The following PTK2 variants were observed in gnomAD, a reference collection of about 807,000 sequenced individuals.
The protein encoded by PTK2 is protein tyrosine kinase 2, also known as focal adhesion kinase 1.
Under a neutral mutation model 150.1 loss-of-function variants are expected in PTK2, and 45 were observed. The ratio of observed to expected loss-of-function variants is 0.30; its 90% confidence interval spans 0.24 to 0.38. The LOEUF (loss-of-function observed/expected upper bound fraction) is 0.38. PTK2 is among the 10% of genes least tolerant of loss of function. The probability of loss-of-function intolerance (pLI) is 1.00; values close to 1 mark genes in which losing one functional copy is unlikely to be tolerated. For synonymous variants in PTK2, 432 were observed against 449.2 expected (o/e 0.96, Z 0.48); for missense variants, 919 against 1,307.3 (o/e 0.70, Z 4.58).
intron 5 of PTK2, among the ~76,000 whole-genome samples, chr8:140,850,348 C>G (rs908036082): frequency 6.6e-6 from 1 of 151,910 alleles, no homozygotes; most frequent in Non-Finnish European, 1.5e-5. Context: ...ATTGCTTGAA[C>G]CCAGGAGGCG....
intron 14 of PTK2, among the ~76,000 whole-genome samples, chr8:140,787,567 T>C (rs1405563897): frequency 1.3e-5 from 2 of 152,250 alleles, no homozygotes; most frequent in South Asian, 2.1e-4. Flanking sequence ...AAAAGACACA[T>C]CTGAGGTTTA....
intron 1 of PTK2, among the ~76,000 whole-genome samples, chr8:140,999,824 C>T (rs4517172): frequency 6.6e-6 from 1 of 152,032 alleles, no homozygotes; most frequent in South Asian, 2.1e-4. Context: ...CGTTTACATT[C>T]TAAGTAAAAA....
intron 1 of PTK2, among the ~76,000 whole-genome samples, chr8:140,968,058 T>C (rs1392901038): frequency 5.3e-5 from 8 of 152,226 alleles, no homozygotes; most frequent in Non-Finnish European, 4.4e-5. Context: ...AATACTAGAC[T>C]GGCACTGCTC....
intron 15 of PTK2, among the ~76,000 whole-genome samples, chr8:140,764,004 C>A (rs536557365): frequency 3.3e-4 from 50 of 152,106 alleles, no homozygotes; most frequent in African/African-American, 1.2e-3. Context: ...AACAAGATTA[C>A]AAAAATCCTG....
intron 31 of PTK2, 131 bp from the exon 36 acceptor site, chr8:140,659,809 C>T: frequency 2.6e-6 from 2 of 773,728 alleles, no homozygotes; most frequent in South Asian, 3.8e-5. Flanking sequence ...CCTGCCTCAG[C>T]CTTCCCACTA....
intron 26 of PTK2, among the ~76,000 whole-genome samples, chr8:140,690,300 A>G (rs1366718261): frequency 1.3e-5 from 2 of 152,144 alleles, no homozygotes; most frequent in Non-Finnish European, 2.9e-5. Context: ...CGCCCAGGTC[A>G]GAGTGCAGCG....
chr8:140,940,107 T>C (rs1382901376), intron 1 of PTK2, among the ~76,000 whole-genome samples: 2 of 152,234 alleles, frequency 1.3e-5, no homozygotes, highest in African/African-American at 2.4e-5. Context: ...CTGTTCGTAT[T>C]GACATATCCT....
At chr8:140,875,095 A>C (rs909826754) in intron 4 of PTK2, among the ~76,000 whole-genome samples, 3 of 152,200 alleles carry the variant, frequency 2.0e-5, no homozygotes, top group African/African-American at 7.2e-5. Context: ...TGGGCTCTTT[A>C]GGTAGCCAGT....
intron 1 of PTK2, among the ~76,000 whole-genome samples, chr8:140,972,328 G>T (rs984625881): frequency 6.6e-6 from 1 of 152,148 alleles, no homozygotes; most frequent in African/African-American, 2.4e-5. Flanking sequence ...ACAGTGGCAT[G>T]ATCTCGGCTC....
chr8:140,727,000 T>C (rs2100046243), intron 22 of PTK2, among the ~76,000 whole-genome samples: 2 of 152,226 alleles, frequency 1.3e-5, no homozygotes. Context: ...TTATATGAAG[T>C]ACAATGATTA....
At chr8:140,926,504 A>T (rs2100169522) in intron 1 of PTK2, among the ~76,000 whole-genome samples, 1 of 152,226 alleles carries the variant, frequency 6.6e-6, no homozygotes, top group Non-Finnish European at 1.5e-5. Context: ...ACAGCAAAGA[A>T]TATGGGACAA....
intron 2 of PTK2, among the ~76,000 whole-genome samples, chr8:140,896,550 CAT>C (rs1215547600): frequency 1.2e-4 from 18 of 152,178 alleles, no homozygotes; most frequent in African/African-American, 2.2e-4. Context: ...GCAGAAAACA[CAT>C]ATGATAAAAT....
chr8:140,841,245 T>C (rs997531686), intron 7 of PTK2, among the ~76,000 whole-genome samples: 3 of 152,112 alleles, frequency 2.0e-5, no homozygotes, highest in Non-Finnish European at 4.4e-5. Flanking sequence ...ATTCAGGTAA[T>C]AGACACACAG....
At chr8:140,833,128 A>G (rs745735051) in intron 7 of PTK2, 218 of 505,428 alleles carry the variant, frequency 4.3e-4, no homozygotes, top group Middle Eastern at 1.3e-3. Flanking sequence ...GAAAATAAAG[A>G]CGAATACTAG....
intron 1 of PTK2, among the ~76,000 whole-genome samples, chr8:140,926,977 A>G (rs1394099630): frequency 2.0e-5 from 3 of 152,208 alleles, no homozygotes; most frequent in Non-Finnish European, 4.4e-5. Context: ...TAAATTCCAG[A>G]TTTAGAAACT....
chr8:140,834,267 T>C (rs530126558), intron 7 of PTK2, among the ~76,000 whole-genome samples: 1 of 152,216 alleles, frequency 6.6e-6, no homozygotes, highest in Non-Finnish European at 1.5e-5. Flanking sequence ...TGGGAATAGG[T>C]GCAGAGTTAC....
intron 16 of PTK2, among the ~76,000 whole-genome samples, chr8:140,757,368 A>G (rs1451139860): frequency 6.6e-6 from 1 of 152,186 alleles, no homozygotes; most frequent in East Asian, 1.9e-4. Context: ...TGGAATATAG[A>G]CAATACACCC....
intron 14 of PTK2, among the ~76,000 whole-genome samples, chr8:140,767,022 G>A (rs1465199167): frequency 2.6e-5 from 4 of 152,186 alleles, no homozygotes; most frequent in Non-Finnish European, 4.4e-5. Context: ...GGCAGTTGAG[G>A]ATTTAGGATT....
At chr8:140,688,062 A>T (rs971306155) in intron 26 of PTK2, among the ~76,000 whole-genome samples, 3 of 152,182 alleles carry the variant, frequency 2.0e-5, no homozygotes, top group African/African-American at 7.2e-5. Flanking sequence ...GGAAAAGGTG[A>T]AACTTGTGTG....
Sources: allele counts gnomAD v4.1 joint callset (sites outside exome capture counted in the v4.1 genomes callset), GRCh38; gene constraint gnomAD v4.1.1; transcripts MANE v1.5; gene names NCBI Gene and HGNC (gene_info 2026-07-23, HGNC 2026-07-21).